The following NPR3 variants were observed in gnomAD, a reference collection of about 807,000 sequenced individuals.
The protein encoded by NPR3 is natriuretic peptide receptor 3.
A neutral mutation model predicts 54.5 loss-of-function variants in NPR3; 34 were observed. The ratio of observed to expected loss-of-function variants is 0.62; its 90% CI spans 0.47 to 0.83. The LOEUF (loss-of-function observed/expected upper bound fraction) is 0.83, where lower values mean the gene tolerates loss of function less well. NPR3 is among the 40% of genes least tolerant of loss of function. NPR3 has a pLI of 0.00. For synonymous variants in NPR3, 289 were observed against 297.1 expected (o/e 0.97, Z 0.28); for missense variants, 674 against 720.8 (o/e 0.94, Z 0.74).
At chr5:32,783,775 CTTGCTGGTT>C (rs1438473313) in intron 6 of NPR3, among the ~76,000 whole-genome samples, 1 of 152,138 alleles carries the variant, frequency 6.6e-6, no homozygotes, top group African/African-American at 2.4e-5. Flanking sequence ...ACTGTTGTTA[CTTGCTGGTT>C]TTGTGACCCT....
intron 3 of NPR3, among the ~76,000 whole-genome samples, chr5:32,756,796 T>G (rs540959007): frequency 5.3e-4 from 81 of 152,272 alleles, no homozygotes; most frequent in Non-Finnish European, 8.7e-4. Context: ...TGTAAGGAAG[T>G]GATCCAGTTT....
chr5:32,716,967 G>A (rs1738586678), intron 1 of NPR3: 1 of 151,978 alleles, frequency 6.6e-6, no homozygotes, highest in Non-Finnish European at 1.5e-5. Flanking sequence ...TTTACATTGG[G>A]TATTTCTCCT....
At chr5:32,709,507 G>T (rs937519915), upstream of NPR3, 2 of 151,652 alleles carry the variant, frequency 1.3e-5, no homozygotes, top group Non-Finnish European at 2.9e-5. Context: ...TCAATTTCCA[G>T]TGTGTGTGGA....
intron 1 of NPR3, among the ~76,000 whole-genome samples, chr5:32,700,859 A>G (rs145849487): frequency 0.091 from 13,869 of 152,204 alleles, 2,057 homozygotes; most frequent in African/African-American, 0.32. Context: ...ATAAACATAC[A>G]TGTGCATGTG....
At chr5:32,737,755 T>G (rs1401654338) in intron 2 of NPR3, among the ~76,000 whole-genome samples, 2 of 152,092 alleles carry the variant, frequency 1.3e-5, no homozygotes, top group African/African-American at 2.4e-5. Context: ...TTCATGTAAT[T>G]TTTTGCTTTT....
chr5:32,710,712 C>G, upstream of NPR3: 1 of 1,547,012 alleles, frequency 6.5e-7, no homozygotes. Context: ...GACCTTGCGC[C>G]GAGGGACCAG....
chr5:32,774,365 A>G (rs1741925297), intron 3 of NPR3, among the ~76,000 whole-genome samples: 1 of 152,228 alleles, frequency 6.6e-6, no homozygotes, highest in African/African-American at 2.4e-5. Flanking sequence ...AGCTGAATTC[A>G]CATAAGCTTG....
chr5:32,772,682 TA>T (rs1741832121), intron 3 of NPR3, among the ~76,000 whole-genome samples: 1 of 152,248 alleles, frequency 6.6e-6, no homozygotes, highest in African/African-American at 2.4e-5. Flanking sequence ...GCAGGATCTC[TA>T]GGTTAATAAT....
intron 3 of NPR3, among the ~76,000 whole-genome samples, chr5:32,740,117 T>C (rs1226539638): frequency 6.6e-6 from 1 of 152,188 alleles, no homozygotes; most frequent in Non-Finnish European, 1.5e-5. Flanking sequence ...AATGATCAAC[T>C]TCATAAGAGA....
rs138348824 is a variant in NPR3 at position 32,725,132 on chromosome 5, G to A, written c.892+312G>A. Among the ~76,000 whole-genome samples, 42 of 152,216 alleles carry A rather than the reference G, an allele frequency of 2.8e-4. 1 individual carries two copies. In the East Asian group the frequency reaches 8.1e-3, roughly 29 times the overall value. On this transcript the variant is annotated intron_variant, in intron 2 of 7. Transcript: ENST00000265074. ...CACTGGGGACTTCTAGGGGTGGTGG[G>A]GGTGGGTTAAAAAACCCTGTTGGGT...
chr5:32,777,092 G>A (rs767169100), intron 4 of NPR3, among the ~76,000 whole-genome samples: 2 of 152,188 alleles, frequency 1.3e-5, no homozygotes, highest in African/African-American at 2.4e-5. Context: ...AGTGTGATAG[G>A]TGCCAAAGCC....
At chr5:32,755,966 G>T (rs967133280) in intron 3 of NPR3, among the ~76,000 whole-genome samples, 6 of 152,164 alleles carry the variant, frequency 3.9e-5, no homozygotes, top group African/African-American at 1.4e-4. Flanking sequence ...GTATTCCATG[G>T]TGTATATGTG....
chr5:32,773,913 G>A (rs1158504773), intron 3 of NPR3, among the ~76,000 whole-genome samples: 1 of 152,182 alleles, frequency 6.6e-6, no homozygotes, highest in African/African-American at 2.4e-5. Flanking sequence ...AAAGAACAAA[G>A]CTCAAAGAGA....
At chr5:32,773,019 C>A (rs1741852789) in intron 3 of NPR3, among the ~76,000 whole-genome samples, 1 of 151,696 alleles carries the variant, frequency 6.6e-6, no homozygotes. Context: ...TTAAGTAGAT[C>A]CAGTCACAGA....
chr5:32,764,647 G>T (rs1366925560), intron 3 of NPR3, among the ~76,000 whole-genome samples: 1 of 151,726 alleles, frequency 6.6e-6, no homozygotes, highest in African/African-American at 2.4e-5. Context: ...AGTTAGCCGG[G>T]CGTGGTGGCG....
At chr5:32,697,541 T>C (rs1740561470) in intron 1 of NPR3, among the ~76,000 whole-genome samples, 1 of 152,090 alleles carries the variant, frequency 6.6e-6, no homozygotes, top group Non-Finnish European at 1.5e-5. Context: ...TTCTCGATTT[T>C]TCAGAGTAGT....
intron 3 of NPR3, among the ~76,000 whole-genome samples, chr5:32,746,306 C>T (rs970892258): frequency 1.3e-5 from 2 of 152,092 alleles, no homozygotes; most frequent in South Asian, 2.1e-4. Flanking sequence ...TGTAAGTGCA[C>T]GTGTGTATAC....
chr5:32,715,424 T>C (rs952504571), intron 1 of NPR3, among the ~76,000 whole-genome samples: 7 of 152,158 alleles, frequency 4.6e-5, no homozygotes, highest in African/African-American at 1.7e-4. Context: ...CGTGCCAGCA[T>C]CTCAAATAAT....
In NPR3 at chr5:32,790,783, A is replaced by T. The variant is rs568321451; in HGVS notation, c.*4438A>T. The stretch of plus-strand genomic sequence containing the variant: ...GTGTTCAAGTTTTAAGTGACTTCAA[A>T]CACAATGGAAGTGTTTCAATGGGAG... On this transcript the variant is annotated 3_prime_UTR_variant, in exon 8 of 8. Transcript: ENST00000265074. 1 of 167,084 alleles carries T rather than the reference A, an allele frequency of 6.0e-6. No individual in the cohort carries two copies. Among genetic ancestry groups the T allele is most frequent in the Non-Finnish European group, 1.5e-5 (1 of 68,120 alleles). 10.4% of individuals were successfully genotyped at this position (167,084 alleles called of 1,614,324 possible). A position where few individuals can be genotyped will look rare whatever the true frequency, so the allele number is the denominator to read the frequency against.
Sources: allele counts gnomAD v4.1 joint callset (sites outside exome capture counted in the v4.1 genomes callset), GRCh38; gene constraint gnomAD v4.1.1; transcripts MANE v1.5; gene names NCBI Gene and HGNC (gene_info 2026-07-23, HGNC 2026-07-21).